STX8: variants seen among roughly 807,000 people sequenced by gnomAD.
The protein encoded by STX8 is syntaxin-8.
A neutral mutation model predicts 37.5 loss-of-function variants in STX8; 23 were observed. The ratio of observed to expected loss-of-function variants is 0.61; its 90% CI spans 0.44 to 0.87. The LOEUF (loss-of-function observed/expected upper bound fraction) is 0.87, where lower values mean the gene tolerates loss of function less well. Among genes scored for constraint, STX8 ranks in the 40% least tolerant of loss-of-function variants. The probability of loss-of-function intolerance (pLI) is 0.00; values close to 1 mark genes in which losing one functional copy is unlikely to be tolerated. For synonymous variants in STX8, 115 were observed against 99.1 expected (o/e 1.16, Z -0.95); for missense variants, 313 against 284.7 (o/e 1.10, Z -0.71).
At chr17:9,344,754 G>T (rs141145644) in intron 7 of STX8, among the ~76,000 whole-genome samples, 4 of 152,000 alleles carry the variant, frequency 2.6e-5, no homozygotes, top group South Asian at 2.1e-4. Context: ...TCCCTACTAT[G>T]GATGATTTCC....
intron 2 of STX8, among the ~76,000 whole-genome samples, chr17:9,568,014 A>T (rs1331009652): frequency 6.6e-6 from 1 of 152,156 alleles, no homozygotes; most frequent in African/African-American, 2.4e-5. Context: ...GTAAAATGTA[A>T]AAACTATAAC....
At chr17:9,413,379 C>T (rs1243858012) in intron 6 of STX8, among the ~76,000 whole-genome samples, 1 of 152,178 alleles carries the variant, frequency 6.6e-6, no homozygotes, top group Non-Finnish European at 1.5e-5. Context: ...GGCCAACAAC[C>T]TAGGCTGGTA....
At chr17:9,377,176 C>T (rs1911623376) in intron 7 of STX8, among the ~76,000 whole-genome samples, 1 of 152,104 alleles carries the variant, frequency 6.6e-6, no homozygotes, top group Non-Finnish European at 1.5e-5. Flanking sequence ...TCTCAGGGAC[C>T]CTTGCCCAGA....
intron 2 of STX8, 121 bp downstream of exon 2, chr17:9,568,250 T>C (rs1907536823): frequency 5.9e-6 from 4 of 682,898 alleles, no homozygotes; most frequent in Admixed American, 2.9e-5. Flanking sequence ...CAATTCAACA[T>C]ATGTAAGCAG....
chr17:9,338,221 CTTGTGTAT>C (rs1910204070), intron 7 of STX8, among the ~76,000 whole-genome samples: 1 of 151,692 alleles, frequency 6.6e-6, no homozygotes, highest in African/African-American at 2.4e-5. Flanking sequence ...GCCCGGCTAA[CTTGTGTAT>C]TTTTAGTAGA....
chr17:9,313,899 G>A (rs537931245), intron 7 of STX8, among the ~76,000 whole-genome samples: 1 of 152,236 alleles, frequency 6.6e-6, no homozygotes, highest in South Asian at 2.1e-4. Context: ...TAAAGTGCTG[G>A]GATTACAGGC....
intron 2 of STX8, among the ~76,000 whole-genome samples, chr17:9,565,370 C>T (rs983855119): frequency 1.3e-5 from 2 of 152,134 alleles, no homozygotes; most frequent in African/African-American, 4.8e-5. Context: ...AATCCCAGCA[C>T]TTTGGGAGGC....
intron 7 of STX8, 191 bp downstream of exon 7, chr17:9,378,361 T>C (rs1435733386): frequency 9.3e-6 from 5 of 539,558 alleles, no homozygotes; most frequent in Non-Finnish European, 1.7e-5. Context: ...ATGAATGATA[T>C]GCCCTTTGAA....
rs961822728 is a variant in STX8 at position 9,516,153 on chromosome 17, T to C, written c.324-10991A>G. 5.9e-5 allele frequency among the ~76,000 whole-genome samples: 9 copies of C among 151,780 alleles called. No homozygotes were observed. The South Asian group carries it at 1.0e-3, about 18-fold the overall frequency. On this transcript the variant is annotated intron_variant, in intron 4 of 7. Transcript: ENST00000306357. ...TGAGTATATTGCCCCTGAGGTGTTA[T>C]TGCTCCTCTGAACTTAATGTTGGAA...
chr17:9,531,323 C>A (rs956975173), intron 4 of STX8, among the ~76,000 whole-genome samples: 1 of 152,194 alleles, frequency 6.6e-6, no homozygotes. Flanking sequence ...AAACAAAAAT[C>A]TGGCTGGGGA....
chr17:9,537,959 C>T lies in STX8; in HGVS notation c.323+7213G>A, dbSNP rs921276036. Among the ~76,000 whole-genome samples the T allele has an allele frequency of 2.2e-4, 33 of 152,110 alleles. 1 individual carries two copies. Among genetic ancestry groups the T allele is most frequent in the Non-Finnish European group, 4.9e-4 (33 of 68,006 alleles). On this transcript the variant is annotated intron_variant, in intron 4 of 7. Transcript: ENST00000306357. ...ATGGCTCAACTGCAAAAAGTAGGTGCTTTTGTAGTTTTGGTTTTACCACTA... is the reference window on the plus strand; with the variant it reads ...ATGGCTCAACTGCAAAAAGTAGGTGTTTTTGTAGTTTTGGTTTTACCACTA...
At chr17:9,425,256 T>C (rs1488229044) in intron 6 of STX8, among the ~76,000 whole-genome samples, 2 of 152,204 alleles carry the variant, frequency 1.3e-5, no homozygotes, top group African/African-American at 4.8e-5. Context: ...TAGGTAGTCA[T>C]CGTTCAACAA....
intron 5 of STX8, among the ~76,000 whole-genome samples, chr17:9,494,453 T>C (rs1907008285): frequency 6.6e-6 from 1 of 151,284 alleles, no homozygotes; most frequent in Non-Finnish European, 1.5e-5. Flanking sequence ...ACACTGTCTG[T>C]CTCTACTAAA....
chr17:9,345,146 C>T (rs542867746), intron 7 of STX8, among the ~76,000 whole-genome samples: 1 of 151,746 alleles, frequency 6.6e-6, no homozygotes, highest in East Asian at 1.9e-4. Flanking sequence ...ACACAGCTCT[C>T]ATTTTCTTTC....
At chr17:9,426,946 A>G (rs1262948138) in intron 6 of STX8, among the ~76,000 whole-genome samples, 1 of 152,078 alleles carries the variant, frequency 6.6e-6, no homozygotes, top group Non-Finnish European at 1.5e-5. Flanking sequence ...TGTATCTCTT[A>G]CTAGTTAAGA....
chr17:9,324,126 TCA>T (rs35942102), intron 7 of STX8, among the ~76,000 whole-genome samples: 3,301 of 135,486 alleles, frequency 0.024, 75 homozygotes, highest in African/African-American at 0.091. Context: ...TCTCTCTCTC[TCA>T]CACACACACA....
intron 5 of STX8, among the ~76,000 whole-genome samples, chr17:9,492,143 AAAGT>A (rs1276924300): frequency 1.1e-4 from 16 of 152,214 alleles, no homozygotes; most frequent in Non-Finnish European, 2.2e-4. Flanking sequence ...TATGAAAAAC[AAAGT>A]AAGATTTGGA....
intron 7 of STX8, among the ~76,000 whole-genome samples, chr17:9,272,818 T>C (rs1460361975): frequency 1.3e-5 from 2 of 152,236 alleles, no homozygotes; most frequent in Admixed American, 6.5e-5. Context: ...CTGTCTTTTA[T>C]TGACACACTA....
At chr17:9,492,319 T>A (rs2125347) in intron 5 of STX8, among the ~76,000 whole-genome samples, 112,871 of 152,024 alleles carry the variant, frequency 0.74, 43,681 homozygotes, top group Middle Eastern at 0.9. Context: ...CTAATTTTTT[T>A]AAAAATACAA....
Sources: gnomAD v4.1 joint callset for allele counts (sites outside exome capture counted in the v4.1 genomes callset) on GRCh38, gnomAD v4.1.1 for gene constraint, MANE v1.5 for transcripts, NCBI Gene and HGNC (gene_info 2026-07-23, HGNC 2026-07-21) for gene names.